Variants in CDH13 observed in about 807,000 individuals in gnomAD.
CDH13 encodes cadherin 13.
CDH13 carries 24 observed loss-of-function variants against 63.8 expected under a neutral mutation model. The ratio of observed to expected loss-of-function variants is 0.38; its 90% CI spans 0.27 to 0.53. CDH13 has a LOEUF of 0.53. Ranked by LOEUF, CDH13 falls within the 20% of genes least tolerant of loss-of-function variation. CDH13 has a pLI of 0.85. For synonymous variants in CDH13, 503 were observed against 355.3 expected (o/e 1.42, Z -4.67); for missense variants, 1,049 against 903.1 (o/e 1.16, Z -2.07).
chr16:83,274,031 G>A (rs965832541), intron 5 of CDH13, among the ~76,000 whole-genome samples: 2 of 152,114 alleles, frequency 1.3e-5, no homozygotes, highest in Non-Finnish European at 2.9e-5. Context: ...CTTACCTGGG[G>A]TTAAGCTCTC....
At chr16:83,574,474 C>T (rs1252653018) in intron 7 of CDH13, among the ~76,000 whole-genome samples, 1 of 152,102 alleles carries the variant, frequency 6.6e-6, no homozygotes, top group Non-Finnish European at 1.5e-5. Flanking sequence ...AGGCTGAGAA[C>T]CAAATACCCA....
At chr16:83,518,880 C>A (rs2074763508) in intron 7 of CDH13, among the ~76,000 whole-genome samples, 1 of 152,174 alleles carries the variant, frequency 6.6e-6, no homozygotes. Flanking sequence ...TGTACGTTTC[C>A]TGAAGCCTCT....
rs563626817 is a variant in CDH13 at position 83,238,902 on chromosome 16, C to T, written c.636+21405C>T. Among the ~76,000 whole-genome samples, 8 of 152,292 alleles carry T rather than the reference C, an allele frequency of 5.3e-5. No individual in the cohort carries two copies. In the South Asian group the frequency reaches 8.3e-4, roughly 16 times the overall value. On this transcript the variant is annotated intron_variant, in intron 5 of 13. Coordinates refer to ENST00000567109, the MANE Select transcript of CDH13 (RefSeq NM_001257.5). ...TGTCCTGATGTTAGTTGGAAGGACA[C>T]ATCCTATTCTCCTCACCTTTGGGCT... is the stretch of plus-strand genomic sequence containing the variant.
chr16:83,540,965 AGTTT>A (rs1399788864), intron 7 of CDH13, among the ~76,000 whole-genome samples: 2 of 152,180 alleles, frequency 1.3e-5, no homozygotes, highest in Non-Finnish European at 2.9e-5. Context: ...CCATGATGCC[AGTTT>A]GTTTGGTAAA....
At chr16:83,390,018 C>G (rs1002236808) in intron 6 of CDH13, among the ~76,000 whole-genome samples, 1 of 152,036 alleles carries the variant, frequency 6.6e-6, no homozygotes. Flanking sequence ...AGCTTCTGTC[C>G]TAGGCTTGCA....
At chr16:83,600,864 C>A (rs8182217) in intron 7 of CDH13, among the ~76,000 whole-genome samples, 14,532 of 152,008 alleles carry the variant, frequency 0.096, 793 homozygotes, top group East Asian at 0.15. Context: ...CACTAAGAAC[C>A]ATTTCTTTTC....
intron 6 of CDH13, among the ~76,000 whole-genome samples, chr16:83,404,193 G>A (rs2092008911): frequency 1.3e-5 from 2 of 152,146 alleles, no homozygotes; most frequent in Non-Finnish European, 2.9e-5. Flanking sequence ...CTTTGTTGGG[G>A]GAACTGTTCA....
intron 3 of CDH13, among the ~76,000 whole-genome samples, chr16:83,036,515 A>G (rs992561134): frequency 2.0e-5 from 3 of 152,140 alleles, no homozygotes; most frequent in African/African-American, 7.2e-5. Context: ...AACCTGCACA[A>G]TGTTCACTCC....
At chr16:83,697,778 G>T (rs1023076264) in intron 10 of CDH13, among the ~76,000 whole-genome samples, 1 of 152,212 alleles carries the variant, frequency 6.6e-6, no homozygotes, top group African/African-American at 2.4e-5. Context: ...CTCCTGAGTA[G>T]CTGGGATTAC....
intron 6 of CDH13, among the ~76,000 whole-genome samples, chr16:83,346,015 A>G (rs188018971): frequency 6.6e-6 from 1 of 152,304 alleles, no homozygotes; most frequent in East Asian, 1.9e-4. Flanking sequence ...AACCAGGTGG[A>G]TAATTGTATG....
intron 2 of CDH13, among the ~76,000 whole-genome samples, chr16:82,941,970 A>T (rs1190533545): frequency 2.0e-5 from 3 of 152,204 alleles, no homozygotes; most frequent in African/African-American, 7.2e-5. Context: ...TGCATGAATT[A>T]CAAGTCTCTT....
At chr16:83,288,646 G>C (rs11639804) in intron 5 of CDH13, among the ~76,000 whole-genome samples, 26,455 of 152,140 alleles carry the variant, frequency 0.17, 2,406 homozygotes, top group Admixed American at 0.2. Flanking sequence ...GTGTCCCCAA[G>C]ACTTGTATTT....
intron 5 of CDH13, among the ~76,000 whole-genome samples, chr16:83,230,882 G>T (rs888234027): frequency 3.9e-5 from 6 of 152,198 alleles, no homozygotes; most frequent in African/African-American, 1.2e-4. Context: ...AGGAAATCTG[G>T]GCCCTAAGAT....
At chr16:83,057,306 C>CAGAG (rs1279613323) in intron 3 of CDH13, among the ~76,000 whole-genome samples, 7 of 152,048 alleles carry the variant, frequency 4.6e-5, no homozygotes, top group Admixed American at 3.3e-4. Flanking sequence ...CAGACTAATA[C>CAGAG]TTGTGGTTAC....
In CDH13 at chr16:83,690,705, C is replaced by T. The variant is rs184176717; in HGVS notation, c.1538+12244C>T. 2.0e-5 allele frequency among the ~76,000 whole-genome samples: 3 copies of T among 152,154 alleles called. No homozygotes were observed. The East Asian group carries it at 5.8e-4, about 29-fold the overall frequency. ...TTGCAGTGCAGGCAGTGAGAAGCTG[C>T]AGACACTGAATTTGTTGTTGTTGTT... On this transcript the variant is annotated intron_variant, in intron 10 of 13. Transcript: ENST00000567109.
chr16:83,282,576 T>C (rs761168775), intron 5 of CDH13, among the ~76,000 whole-genome samples: 1 of 152,128 alleles, frequency 6.6e-6, no homozygotes, highest in Non-Finnish European at 1.5e-5. Context: ...ATAAAACAAG[T>C]GACAACAGGA....
rs75473882 is a variant in CDH13, at chr16:82,923,664, A to G, written c.157+65191A>G. Among the ~76,000 whole-genome samples, 82 of 152,352 alleles carry G rather than the reference A, an allele frequency of 5.4e-4. 1 individual carries two copies. The highest frequency in any genetic ancestry group is 1.8e-3 in the African/African-American group (75 of 41,590). On this transcript the variant is annotated intron_variant, in intron 2 of 13. Transcript: ENST00000567109. The stretch of plus-strand genomic sequence containing the variant: ...CAAAAACCTACTTAGTAGGATAGCC[A>G]TGAAAATTCAGTGAGATAAATCATA...
At chr16:83,052,817 AC>A (rs1343997951) in intron 3 of CDH13, among the ~76,000 whole-genome samples, 1 of 149,850 alleles carries the variant, frequency 6.7e-6, no homozygotes, top group Non-Finnish European at 1.5e-5. Flanking sequence ...AAGAAATTAA[AC>A]CTTAAATAGC....
At chr16:82,820,900 G>A (rs2037973984) in intron 1 of CDH13, among the ~76,000 whole-genome samples, 1 of 116,074 alleles carries the variant, frequency 8.6e-6, no homozygotes, top group Non-Finnish European at 2.1e-5. Flanking sequence ...ATATGAATAT[G>A]CCTGCCCTTT....
Sources: gnomAD v4.1 joint callset for allele counts (sites outside exome capture counted in the v4.1 genomes callset) on GRCh38, gnomAD v4.1.1 for gene constraint, MANE v1.5 for transcripts, NCBI Gene and HGNC (gene_info 2026-07-23, HGNC 2026-07-21) for gene names.